Variants in ZNF385D observed in about 807,000 individuals in gnomAD.
ZNF385D encodes the protein zinc finger protein 385D, also known as zinc finger protein 659.
A neutral mutation model predicts 35.8 loss-of-function variants in ZNF385D; 15 were observed. The observed-to-expected ratio is 0.42, with a 90% CI of 0.28 to 0.64. The LOEUF (loss-of-function observed/expected upper bound fraction) is 0.64, where lower values mean the gene tolerates loss of function less well. ZNF385D is among the 30% of genes least tolerant of loss of function. The probability of loss-of-function intolerance (pLI) is 0.23; values close to 1 mark genes in which losing one functional copy is unlikely to be tolerated. For synonymous variants in ZNF385D, 212 were observed against 186.8 expected, an observed-to-expected ratio of 1.13 and a Z score of -1.10; for missense variants, 474 against 494.6, an observed-to-expected ratio of 0.96 and a Z score of 0.39.
intron 2 of ZNF385D, among the ~76,000 whole-genome samples, chr3:22,366,601 A>G (rs559189483): frequency 6.6e-6 from 1 of 152,228 alleles, no homozygotes; most frequent in South Asian, 2.1e-4. Context: ...ATCTTGCATA[A>G]TATTTTTTAA....
At chr3:21,909,988 A>C (rs999411711) in intron 3 of ZNF385D, among the ~76,000 whole-genome samples, 1 of 152,042 alleles carries the variant, frequency 6.6e-6, no homozygotes, top group Non-Finnish European at 1.5e-5. Flanking sequence ...CCAGAAAAAC[A>C]GTATAAACTG....
intron 4 of ZNF385D, among the ~76,000 whole-genome samples, chr3:21,496,964 G>A (rs896484938): frequency 2.6e-5 from 4 of 152,118 alleles, no homozygotes; most frequent in Non-Finnish European, 5.9e-5. Context: ...GGCAAAGCTG[G>A]AAGAATTACC....
intron 3 of ZNF385D, among the ~76,000 whole-genome samples, chr3:22,034,381 C>T (rs1698190079): frequency 6.6e-6 from 1 of 152,080 alleles, no homozygotes. Context: ...TTTCAACTTC[C>T]AGCCTCCAAA....
At chr3:21,573,550 C>G (rs1284715469) in intron 2 of ZNF385D, among the ~76,000 whole-genome samples, 1 of 152,134 alleles carries the variant, frequency 6.6e-6, no homozygotes, top group Non-Finnish European at 1.5e-5. Flanking sequence ...AGGAAGTGTT[C>G]TGCAGTTTTG....
intron 4 of ZNF385D, among the ~76,000 whole-genome samples, chr3:21,508,464 CTTG>C (rs1706953430): frequency 1.3e-5 from 2 of 152,096 alleles, no homozygotes; most frequent in Admixed American, 1.3e-4. Context: ...TCCTCATTTT[CTTG>C]TTCTGTAAAT....
intron 3 of ZNF385D, among the ~76,000 whole-genome samples, chr3:22,015,914 G>T (rs1696858337): frequency 6.6e-6 from 1 of 152,068 alleles, no homozygotes; most frequent in Non-Finnish European, 1.5e-5. Flanking sequence ...CTGAAAAAAA[G>T]ACATCTTTTT....
chr3:21,822,582 T>C (rs1308742369), intron 3 of ZNF385D, among the ~76,000 whole-genome samples: 1 of 149,500 alleles, frequency 6.7e-6, no homozygotes, highest in Non-Finnish European at 1.5e-5. Context: ...AGTAGGTATA[T>C]ACTACATAGA....
chr3:22,225,794 T>C (rs1478739077), intron 2 of ZNF385D, among the ~76,000 whole-genome samples: 1 of 152,216 alleles, frequency 6.6e-6, no homozygotes, highest in Non-Finnish European at 1.5e-5. Context: ...TTTACACTCA[T>C]CTCAGATATA....
chr3:21,848,784 C>T (rs957597872), intron 3 of ZNF385D, among the ~76,000 whole-genome samples: 7 of 152,026 alleles, frequency 4.6e-5, no homozygotes, highest in Admixed American at 1.3e-4. Flanking sequence ...CATATGGCTT[C>T]ACTGGTGAAT....
At chr3:21,951,229 T>C (rs1702050647) in intron 3 of ZNF385D, among the ~76,000 whole-genome samples, 1 of 151,764 alleles carries the variant, frequency 6.6e-6, no homozygotes, top group African/African-American at 2.4e-5. Context: ...CCTTGAGCAG[T>C]GGTTTGTAGT....
intron 1 of ZNF385D, among the ~76,000 whole-genome samples, chr3:21,737,576 A>AT (rs2069306473): frequency 6.6e-6 from 1 of 152,108 alleles, no homozygotes; most frequent in South Asian, 2.1e-4. Flanking sequence ...ATACAACAAA[A>AT]TGCACCTATG....
intron 3 of ZNF385D, among the ~76,000 whole-genome samples, chr3:22,164,775 G>C: frequency 6.6e-6 from 1 of 152,066 alleles, no homozygotes; most frequent in Non-Finnish European, 1.5e-5. Context: ...TCATGTGGCT[G>C]TGTTATGGGA....
intron 2 of ZNF385D, among the ~76,000 whole-genome samples, chr3:22,248,644 CTT>C (rs1221840786): frequency 2.6e-5 from 4 of 152,136 alleles, no homozygotes; most frequent in East Asian, 1.9e-4. Context: ...TTCAACCTCT[CTT>C]AATCTCTTCT....
At chr3:21,982,347 G>T (rs886790413) in intron 3 of ZNF385D, among the ~76,000 whole-genome samples, 5 of 152,030 alleles carry the variant, frequency 3.3e-5, no homozygotes, top group African/African-American at 7.2e-5. Context: ...TATGGCAATT[G>T]TAAGTAGAAT....
At chr3:21,845,496 A>G (rs528731930) in intron 3 of ZNF385D, among the ~76,000 whole-genome samples, 2 of 152,090 alleles carry the variant, frequency 1.3e-5, no homozygotes, top group East Asian at 1.9e-4. Flanking sequence ...GATATTTCTA[A>G]GTAAAAATAA....
chr3:21,637,768 G>A (rs1289843948), intron 2 of ZNF385D, among the ~76,000 whole-genome samples: 2 of 152,136 alleles, frequency 1.3e-5, no homozygotes, highest in African/African-American at 2.4e-5. Flanking sequence ...TCCTCCCCAC[G>A]AAACCTAGAT....
rs1485798240 is a variant in ZNF385D, at chr3:22,132,061, G to C, written c.325+36756C>G. Among the ~76,000 whole-genome samples, 6 of 152,074 alleles carry C rather than the reference G, an allele frequency of 3.9e-5. No homozygotes were observed. The East Asian group carries it at 9.6e-4, about 24-fold the overall frequency. On this transcript the variant is annotated intron_variant, in intron 3 of 5. Coordinates refer to the ZNF385D transcript ENST00000494108. Reference sequence around the variant, plus strand: ...CATTTTGTTCATCAATTGATAAAGAGGAAAAAACGTTTAGGGTATATGCAA... The same window carrying C: ...CATTTTGTTCATCAATTGATAAAGACGAAAAAACGTTTAGGGTATATGCAA...
intron 3 of ZNF385D, among the ~76,000 whole-genome samples, chr3:21,919,666 C>T (rs1619770): frequency 0.92 from 139,365 of 152,112 alleles, 63,941 homozygotes; most frequent in East Asian, 0.99. Context: ...ACTCAGTATT[C>T]ACTAAATTTA....
intron 3 of ZNF385D, among the ~76,000 whole-genome samples, chr3:22,115,027 T>C (rs913285729): frequency 6.6e-6 from 1 of 152,070 alleles, no homozygotes; most frequent in African/African-American, 2.4e-5. Flanking sequence ...CTTTTCTGTA[T>C]AAATTAGCCA....
Sources: allele counts gnomAD v4.1 joint callset (sites outside exome capture counted in the v4.1 genomes callset), GRCh38; gene constraint gnomAD v4.1.1; transcripts MANE v1.5; gene names NCBI Gene and HGNC (gene_info 2026-07-23, HGNC 2026-07-21).